ATG14: variants seen among roughly 807,000 people sequenced by gnomAD.
ATG14 encodes beclin 1-associated autophagy-related key regulator.
A neutral mutation model predicts 60.4 loss-of-function variants in ATG14; 35 were observed. That is an observed-to-expected ratio of 0.58 (90% CI 0.44 to 0.77). The LOEUF is 0.77. Among genes scored for constraint, ATG14 ranks in the 30% least tolerant of loss-of-function variants. ATG14 has a pLI of 0.00. For synonymous variants in ATG14, 234 were observed against 228.8 expected (o/e 1.02, Z -0.21); for missense variants, 647 against 626.3 (o/e 1.03, Z -0.35).
chr14:55,394,677 CCAT>C (rs746306353), intron 3 of ATG14, among the ~76,000 whole-genome samples: 1 of 152,092 alleles, frequency 6.6e-6, no homozygotes, highest in African/African-American at 2.4e-5. Context: ...ACAGGGAGAG[CCAT>C]CATCAAGGAG....
At chr14:55,371,180 T>A (rs998489130) in intron 9 of ATG14, among the ~76,000 whole-genome samples, 1 of 152,052 alleles carries the variant, frequency 6.6e-6, no homozygotes, top group Non-Finnish European at 1.5e-5. Context: ...TTGGGGAAAA[T>A]AGGAGAGGTC....
At chr14:55,374,155 A>G (rs117941220) in intron 9 of ATG14, among the ~76,000 whole-genome samples, 1 of 152,306 alleles carries the variant, frequency 6.6e-6, no homozygotes, top group Non-Finnish European at 1.5e-5. Context: ...TTTTTGTCAA[A>G]CTGATGGTTG....
chr14:55,404,774 C>T (rs765327587), intron 1 of ATG14, among the ~76,000 whole-genome samples: 16 of 151,978 alleles, frequency 1.1e-4, no homozygotes, highest in African/African-American at 2.2e-4. Context: ...TTTTCTTTTC[C>T]GATACTGTTA....
In ATG14 at chr14:55,385,800, C is replaced by T. The variant is rs190234235; in HGVS notation, c.647+59G>A. 1.8e-3 allele frequency: 2,472 copies of T among 1,390,658 alleles called. 5 individuals carry two copies. The highest frequency in any genetic ancestry group is 2.8e-3 in the Middle Eastern group (15 of 5,426). The allele number at this position is 1,390,658 out of a possible 1,614,324, so 86.1% of individuals were successfully genotyped here. On this transcript the variant is annotated intron_variant, in intron 5 of 9. Coordinates refer to ENST00000247178, the MANE Select transcript of ATG14 (RefSeq NM_014924.5). Reference sequence around the variant, plus strand: ...ACCCAATAAATAAGGTAATGACATACTTTAAAAAGTATTTGGAACTTGATC... The same window carrying T: ...ACCCAATAAATAAGGTAATGACATATTTTAAAAAGTATTTGGAACTTGATC...
intron 5 of ATG14, among the ~76,000 whole-genome samples, chr14:55,382,564 T>C (rs992013369): frequency 1.4e-4 from 21 of 152,222 alleles, no homozygotes; most frequent in African/African-American, 4.8e-4. Flanking sequence ...CCTCAAACAA[T>C]CCTCTGAAAG....
intron 9 of ATG14, 96 bp downstream of exon 9, chr14:55,377,723 T>A: frequency 1.2e-6 from 1 of 823,562 alleles, no homozygotes; most frequent in Non-Finnish European, 1.9e-6. Context: ...TTTGAGGAGT[T>A]TGGGATTAGG....
chr14:55,385,808 A>G (rs1463177574), intron 5 of ATG14, 51 bp downstream of exon 5: 1 of 1,436,232 alleles, frequency 7.0e-7, no homozygotes, highest in Non-Finnish European at 9.5e-7. Flanking sequence ...TACTTTAAAA[A>G]GTATTTGGAA....
intron 4 of ATG14, among the ~76,000 whole-genome samples, chr14:55,390,528 C>T (rs1312007703): frequency 6.6e-6 from 1 of 152,134 alleles, no homozygotes; most frequent in Non-Finnish European, 1.5e-5. Context: ...CACCCGCCAC[C>T]ACACCCAGCT....
intron 1 of ATG14, among the ~76,000 whole-genome samples, chr14:55,405,379 G>A (rs1027377727): frequency 6.6e-6 from 1 of 152,148 alleles, no homozygotes; most frequent in African/African-American, 2.4e-5. Context: ...ATGCATTTCT[G>A]TTTCCTGGCA....
chr14:55,397,319 C>A, intron 2 of ATG14, 53 bp downstream of exon 2: 1 of 1,478,380 alleles, frequency 6.8e-7, no homozygotes, highest in South Asian at 1.1e-5. Flanking sequence ...TGAATTCAAC[C>A]AAATGTTGAC....
intron 3 of ATG14, 185 bp from the exon 4 acceptor site, chr14:55,391,177 C>A: frequency 4.1e-6 from 2 of 491,846 alleles, no homozygotes; most frequent in Non-Finnish European, 7.1e-6. Flanking sequence ...TAGTTCAATG[C>A]AGAGAAAAGA....
intron 1 of ATG14, among the ~76,000 whole-genome samples, chr14:55,404,528 G>A (rs184724987): frequency 6.6e-6 from 1 of 152,128 alleles, no homozygotes; most frequent in African/African-American, 2.4e-5. Flanking sequence ...TATTTTCCAT[G>A]AAGTATGTCT....
chr14:55,380,875 A>ATTTTTT (rs1170779991), intron 6 of ATG14, among the ~76,000 whole-genome samples, 185 bp from the exon 7 acceptor site: 38 of 112,668 alleles, frequency 3.4e-4, no homozygotes, highest in Non-Finnish European at 5.2e-4. Context: ...ATATATATAT[A>ATTTTTT]TTTTTTTTTT....
In ATG14 at chr14:55,366,667, C is replaced by CT; in HGVS notation, c.*2951dup. ...CTTATATTCCATAACCAAAAAATGTCTTTAACAGACCATTTTAAGCAGCCT... is the reference window on the plus strand; with the variant it reads ...CTTATATTCCATAACCAAAAAATGTCTTTTAACAGACCATTTTAAGCAGCCT... On this transcript the variant is annotated 3_prime_UTR_variant, in exon 10 of 10. Coordinates refer to ENST00000247178, the MANE Select transcript of ATG14 (RefSeq NM_014924.5). 1 of 152,392 alleles carries CT rather than the reference C, an allele frequency of 6.6e-6. No homozygotes were observed. Among genetic ancestry groups the CT allele is most frequent in the East Asian group, 1.9e-4 (1 of 5,198 alleles). 9.4% of individuals were successfully genotyped at this position (152,392 alleles called of 1,614,324 possible). A position where few individuals can be genotyped will look rare whatever the true frequency, so the allele number is the denominator to read the frequency against.
intron 1 of ATG14, among the ~76,000 whole-genome samples, chr14:55,400,538 G>GTAA (rs761131492): frequency 5.9e-5 from 9 of 152,168 alleles, no homozygotes; most frequent in Non-Finnish European, 1.3e-4. Flanking sequence ...ACTATGATCA[G>GTAA]TAACGATACA....
At chr14:55,378,526 C>G (rs1368891630) in intron 7 of ATG14, among the ~76,000 whole-genome samples, 1 of 152,192 alleles carries the variant, frequency 6.6e-6, no homozygotes, top group East Asian at 1.9e-4. Flanking sequence ...CCTCGTTATT[C>G]TATCCAGGAC....
chr14:55,404,512 A>G (rs10134937), intron 1 of ATG14, among the ~76,000 whole-genome samples: 16,704 of 152,240 alleles, frequency 0.11, 2,565 homozygotes, highest in African/African-American at 0.35. Flanking sequence ...TTATATAATC[A>G]CATTTTATTT....
chr14:55,385,371 C>T (rs1365262056), intron 5 of ATG14, among the ~76,000 whole-genome samples: 4 of 152,154 alleles, frequency 2.6e-5, no homozygotes, highest in South Asian at 2.1e-4. Context: ...TGGCTCACTG[C>T]GACCTCGGCC....
Position 55,370,846 on chromosome 14 carries a change from G to C in ATG14, c.1173-921C>G, listed in dbSNP as rs1884800367. Among the ~76,000 whole-genome samples the C allele has an allele frequency of 3.3e-5, 5 of 151,998 alleles. No individual in the cohort carries two copies. The South Asian group carries it at 1.0e-3, about 32-fold the overall frequency. ...AGTAGAGACGGGGTTTCACCACGTT[G>C]GCCAGGCTGGTCTTGAACTCCTGAC... On this transcript the variant is annotated intron_variant, in intron 9 of 9. Transcript: ENST00000247178.
Sources: gnomAD v4.1 joint callset for allele counts (sites outside exome capture counted in the v4.1 genomes callset) on GRCh38, gnomAD v4.1.1 for gene constraint, MANE v1.5 for transcripts, NCBI Gene and HGNC (gene_info 2026-07-23, HGNC 2026-07-21) for gene names.